Variants in ZNF93 observed in about 807,000 individuals in gnomAD.
The protein encoded by ZNF93 is zinc finger protein 93.
ZNF93 carries 29 observed loss-of-function variants against 45.0 expected under a neutral mutation model. The ratio of observed to expected loss-of-function variants is 0.64; its 90% CI spans 0.48 to 0.88. The LOEUF (loss-of-function observed/expected upper bound fraction) is 0.88, where lower values mean the gene tolerates loss of function less well. ZNF93 is among the 40% of genes least tolerant of loss of function. The probability of loss-of-function intolerance (pLI) is 0.00; values close to 1 mark genes in which losing one functional copy is unlikely to be tolerated. For missense variants in ZNF93, 578 were observed against 724.0 expected (o/e 0.80, Z 2.31); for synonymous variants, 223 against 244.6 (o/e 0.91, Z 0.82).
At chr19:19,912,040 C>T (rs781736814) in intron 1 of ZNF93, among the ~76,000 whole-genome samples, 32 of 152,096 alleles carry the variant, frequency 2.1e-4, no homozygotes, top group African/African-American at 5.1e-4. Context: ...TGACCCACCG[C>T]GCTTGGCCGT....
intron 3 of ZNF93, among the ~76,000 whole-genome samples, chr19:19,919,540 G>C (rs1261069262): frequency 6.6e-6 from 1 of 152,062 alleles, no homozygotes; most frequent in African/African-American, 2.4e-5. Flanking sequence ...AAATTACCTT[G>C]GGCAGTATGG....
intron 1 of ZNF93, chr19:19,908,347 G>A (rs556615740): frequency 2.1e-4 from 32 of 152,292 alleles, no homozygotes; most frequent in African/African-American, 6.7e-4. Context: ...GACTGCAGCA[G>A]AGATGGAAAA....
intron 3 of ZNF93, among the ~76,000 whole-genome samples, chr19:19,925,225 T>C (rs559063680): frequency 2.1e-4 from 32 of 152,176 alleles, no homozygotes; most frequent in Non-Finnish European, 2.9e-4. Flanking sequence ...ACACGTCCAA[T>C]CTTCAGCTTT....
At chr19:19,923,969 T>A (rs2063349142) in intron 3 of ZNF93, among the ~76,000 whole-genome samples, 1 of 152,172 alleles carries the variant, frequency 6.6e-6, no homozygotes. Flanking sequence ...ACCCGGTACC[T>A]CAGTTGGAGA....
At chr19:19,923,841 A>T (rs2063348548) in intron 3 of ZNF93, among the ~76,000 whole-genome samples, 1 of 152,084 alleles carries the variant, frequency 6.6e-6, no homozygotes, top group Non-Finnish European at 1.5e-5. Context: ...TAGGAAAGAG[A>T]ATTCCCTGAT....
intron 3 of ZNF93, 63 bp from the exon 4 acceptor site, chr19:19,933,119 T>C (rs912793193): frequency 7.7e-5 from 99 of 1,287,396 alleles, no homozygotes; most frequent in Non-Finnish European, 1.0e-4. Context: ...ATAGGTTAGA[T>C]TTGTAAAGTA....
At chr19:19,915,085 G>A (rs1472452434) in intron 1 of ZNF93, among the ~76,000 whole-genome samples, 195 bp from the exon 2 acceptor site, 2 of 152,098 alleles carry the variant, frequency 1.3e-5, no homozygotes, top group African/African-American at 2.4e-5. Flanking sequence ...AACTGATGTT[G>A]TGGATCTAAT....
intron 3 of ZNF93, among the ~76,000 whole-genome samples, chr19:19,929,629 C>T (rs2063366454): frequency 6.6e-6 from 1 of 152,144 alleles, no homozygotes; most frequent in Non-Finnish European, 1.5e-5. Context: ...GGGTTTTTCT[C>T]CCTGTGTGCA....
At chr19:19,927,182 G>A in intron 3 of ZNF93, 1 of 398,498 alleles carries the variant, frequency 2.5e-6, no homozygotes, top group Non-Finnish European at 4.4e-6. Context: ...GATCCCTGGA[G>A]CCCAAAAGTT....
Position 19,904,547 on chromosome 19 carries a change from C to A in ZNF93, c.3+3456C>A, listed in dbSNP as rs374778422. 1.5e-4 allele frequency among the ~76,000 whole-genome samples: 23 copies of A among 152,138 alleles called. No homozygotes were observed. The East Asian group carries it at 4.1e-3, about 27-fold the overall frequency. On this transcript the variant is annotated intron_variant, in intron 1 of 3. Transcript: ENST00000343769. ...CTGCAGTGAGGACAATGTTGTGGAA[C>A]TGAGCCCTGAATCAGGGTCTGTGCT...
chr19:19,903,187 G>A (rs1222771385), intron 1 of ZNF93, among the ~76,000 whole-genome samples: 1 of 152,178 alleles, frequency 6.6e-6, no homozygotes, highest in Non-Finnish European at 1.5e-5. Flanking sequence ...AAATCTTTAT[G>A]GCTTGCAAAA....
chr19:19,901,764 G>GA (rs1235315968), intron 1 of ZNF93, among the ~76,000 whole-genome samples: 4 of 152,044 alleles, frequency 2.6e-5, no homozygotes, highest in Non-Finnish European at 5.9e-5. Context: ...GCCAATATGG[G>GA]AAGGACACAA....
intron 3 of ZNF93, among the ~76,000 whole-genome samples, chr19:19,928,131 G>A (rs1250751282): frequency 4.6e-5 from 7 of 152,132 alleles, no homozygotes; most frequent in African/African-American, 1.7e-4. Context: ...TTTAAAATAT[G>A]TTTTTGTATC....
At chr19:19,907,452 C>T (rs940322875) in intron 1 of ZNF93, among the ~76,000 whole-genome samples, 2 of 152,142 alleles carry the variant, frequency 1.3e-5, no homozygotes, top group Admixed American at 1.3e-4. Flanking sequence ...TGTAGTTGTG[C>T]CTTGCTTTCT....
chr19:19,929,850 A>ACC (rs1380236613), intron 3 of ZNF93, among the ~76,000 whole-genome samples: 19 of 145,244 alleles, frequency 1.3e-4, no homozygotes, highest in African/African-American at 4.9e-4. Context: ...AGGCAGGAGA[A>ACC]TGGCGTGAAC....
At chr19:19,912,507 GT>G (rs1261937892) in intron 1 of ZNF93, among the ~76,000 whole-genome samples, 1 of 147,860 alleles carries the variant, frequency 6.8e-6, no homozygotes, top group East Asian at 2.0e-4. Context: ...TAAGGTGTTT[GT>G]TTTTAAATTT....
intron 3 of ZNF93, among the ~76,000 whole-genome samples, chr19:19,929,937 C>CAAAAAAAAA (rs71172547): frequency 1.7e-5 from 1 of 57,688 alleles, no homozygotes; most frequent in African/African-American, 6.4e-5. Context: ...GACTCCGTCT[C>CAAAAAAAAA]AAAAAAAAAA....
chr19:19,911,297 G>A (rs1326744351), intron 1 of ZNF93, among the ~76,000 whole-genome samples: 1 of 152,174 alleles, frequency 6.6e-6, no homozygotes, highest in African/African-American at 2.4e-5. Flanking sequence ...TCACCCAGGT[G>A]TCTTTGAGGC....
In ZNF93 at chr19:19,901,107, C is replaced by G; in HGVS notation, c.3+16C>G. ...CCTAGAAATGGTGAGAGTGCCGGTC[C>G]GACATCCCAAGCGACGGGGAGGGGC... On this transcript the variant is annotated intron_variant, in intron 1 of 3. Coordinates refer to ENST00000343769, the MANE Select transcript of ZNF93 (RefSeq NM_031218.4). 6.2e-7 allele frequency: 1 copy of G among 1,613,460 alleles called. No individual in the cohort carries two copies. Among genetic ancestry groups the G allele is most frequent in the Admixed American group, 1.7e-5 (1 of 60,006 alleles).
Sources: gnomAD v4.1 joint callset for allele counts (sites outside exome capture counted in the v4.1 genomes callset) on GRCh38, gnomAD v4.1.1 for gene constraint, MANE v1.5 for transcripts, NCBI Gene and HGNC (gene_info 2026-07-23, HGNC 2026-07-21) for gene names.